AK9: variants seen among roughly 807,000 people sequenced by gnomAD.
AK9 encodes the protein adenylate kinase 9.
A neutral mutation model predicts 239.6 loss-of-function variants in AK9; 191 were observed. That is an observed-to-expected ratio of 0.80 (90% CI 0.71 to 0.90). The LOEUF is 0.90. AK9 is among the 40% of genes least tolerant of loss of function. The pLI, the probability that AK9 is intolerant of heterozygous loss-of-function variation, is 0.00. For missense variants in AK9, 1,995 were observed against 2,214.7 expected (o/e 0.90, Z 1.99); for synonymous variants, 689 against 721.0 (o/e 0.96, Z 0.71).
intron 21 of AK9, among the ~76,000 whole-genome samples, chr6:109,572,541 T>C (rs969806050): frequency 1.3e-5 from 2 of 152,180 alleles, no homozygotes; most frequent in African/African-American, 4.8e-5. Flanking sequence ...TCAATATCTT[T>C]TTAAGTGAAC....
intron 17 of AK9, among the ~76,000 whole-genome samples, chr6:109,588,988 A>G (rs1034296254): frequency 1.2e-4 from 19 of 152,332 alleles, no homozygotes; most frequent in African/African-American, 4.6e-4. Context: ...GCCTTGTAGT[A>G]TAATTTGAAG....
At chr6:109,625,219 T>C (rs894665345) in intron 12 of AK9, among the ~76,000 whole-genome samples, 3 of 152,166 alleles carry the variant, frequency 2.0e-5, no homozygotes, top group Admixed American at 6.5e-5. Flanking sequence ...GCCAGAAGTG[T>C]CTTTTATCCG....
At chr6:109,524,385 G>T (rs1161639017) in intron 29 of AK9, among the ~76,000 whole-genome samples, 1 of 152,086 alleles carries the variant, frequency 6.6e-6, no homozygotes, top group African/African-American at 2.4e-5. Context: ...AAGAGTAAAT[G>T]AGGCAGAAAA....
At chr6:109,597,680 A>AT (rs34197466) in intron 17 of AK9, among the ~76,000 whole-genome samples, 107,108 of 151,206 alleles carry the variant, frequency 0.71, 38,425 homozygotes, top group East Asian at 0.99. Flanking sequence ...CTCAAAAAAA[A>AT]TTTTTTTTTA....
chr6:109,579,465 C>A, intron 20 of AK9, 85 bp downstream of exon 20: 2 of 1,301,544 alleles, frequency 1.5e-6, no homozygotes, highest in East Asian at 2.6e-5. Flanking sequence ...ATGTGATCAC[C>A]CAGTCTATAA....
At chr6:109,505,739 T>C (rs761877922) in intron 35 of AK9, among the ~76,000 whole-genome samples, 18 of 152,330 alleles carry the variant, frequency 1.2e-4, no homozygotes, top group South Asian at 2.1e-4. Context: ...TAAATTCACA[T>C]AGGCATTCAA....
intron 24 of AK9, among the ~76,000 whole-genome samples, chr6:109,556,687 G>T (rs1785043261): frequency 6.6e-6 from 1 of 151,884 alleles, no homozygotes; most frequent in Admixed American, 6.6e-5. Context: ...CATATTTCTT[G>T]GAGGCTTTGT....
intron 32 of AK9, 65 bp from the exon 33 acceptor site, chr6:109,509,445 T>C: frequency 4.4e-6 from 6 of 1,376,834 alleles, no homozygotes; most frequent in Non-Finnish European, 6.0e-6. Context: ...ATGTGCAGTT[T>C]TGTTACATGG....
intron 24 of AK9, among the ~76,000 whole-genome samples, chr6:109,552,547 GTTGT>G (rs1210861459): frequency 7.9e-5 from 12 of 152,020 alleles, no homozygotes; most frequent in African/African-American, 1.7e-4. Flanking sequence ...TTTTGATGAG[GTTGT>G]TTGTTTTTTT....
intron 17 of AK9, among the ~76,000 whole-genome samples, chr6:109,592,893 T>G (rs1314272135): frequency 6.6e-6 from 1 of 152,162 alleles, no homozygotes; most frequent in Non-Finnish European, 1.5e-5. Flanking sequence ...CTGATCTTCT[T>G]ATATCTGGCT....
At chr6:109,622,295 A>G (rs995218156) in intron 12 of AK9, among the ~76,000 whole-genome samples, 2 of 143,912 alleles carry the variant, frequency 1.4e-5, no homozygotes, top group Non-Finnish European at 3.0e-5. Context: ...GAGTCTCCAT[A>G]TGTATACATA....
intron 12 of AK9, chr6:109,632,130 A>T: frequency 1.0e-6 from 1 of 984,002 alleles, no homozygotes; most frequent in Non-Finnish European, 1.2e-6. Context: ...TTTTGCGGTA[A>T]CTCAGTGGGC....
At chr6:109,524,656 C>T (rs1780245832) in intron 29 of AK9, among the ~76,000 whole-genome samples, 1 of 152,120 alleles carries the variant, frequency 6.6e-6, no homozygotes, top group Admixed American at 6.6e-5. Context: ...TAGTAAATAT[C>T]TGGATAAATG....
intron 17 of AK9, among the ~76,000 whole-genome samples, chr6:109,609,899 T>G (rs1206157567): frequency 6.6e-6 from 1 of 152,184 alleles, no homozygotes; most frequent in Non-Finnish European, 1.5e-5. Context: ...GAGGATTTTT[T>G]TTTCCCTTTA....
chr6:109,589,213 G>C (rs1041619104), intron 17 of AK9, among the ~76,000 whole-genome samples: 2 of 152,002 alleles, frequency 1.3e-5, no homozygotes, highest in Non-Finnish European at 2.9e-5. Context: ...CCATGAACAT[G>C]GTATGTTTTC....
At chr6:109,649,837 C>T (rs1410604358) in intron 8 of AK9, among the ~76,000 whole-genome samples, 1 of 152,210 alleles carries the variant, frequency 6.6e-6, no homozygotes, top group Non-Finnish European at 1.5e-5. Context: ...TCAAACTATA[C>T]TACAAGGCTA....
intron 10 of AK9, among the ~76,000 whole-genome samples, chr6:109,639,494 G>T (rs1391145907): frequency 1.3e-5 from 2 of 152,074 alleles, no homozygotes; most frequent in Non-Finnish European, 2.9e-5. Flanking sequence ...CTTTTTGATG[G>T]GGTTGTTTTT....
chr6:109,499,045 T>C lies in AK9; in HGVS notation c.5045A>G (p.Asn1682Ser). The C allele has an allele frequency of 6.6e-7, 1 of 1,505,608 alleles. No individual in the cohort carries two copies. Among genetic ancestry groups the C allele is most frequent in the Non-Finnish European group, 8.9e-7 (1 of 1,122,208 alleles). 93.3% of individuals were successfully genotyped at this position (1,505,608 alleles called of 1,614,324 possible). A position where few individuals can be genotyped will look rare whatever the true frequency, so the allele number is the denominator to read the frequency against. The change falls in exon 36 of 41, where the codon AAT (asparagine) becomes AGT (serine). Residue 1682 changes from asparagine (N) to serine (S), a missense_variant and splice_region_variant. Physicochemically the swap from Asn to Ser is conservative, Grantham distance 46. Transcript: ENST00000424296. ...ATTTGGAGTTAGGAACAAACTTACA[T>C]TCAGTTTTTCCTGAGAACTCATTTT... ...YYKMSSQEKL[N>S]KFLENPELYV...
Position 109,633,050 on chromosome 6 carries a change from A to G in AK9, c.1127T>C (p.Leu376Ser). 1 of 1,560,878 alleles carries G rather than the reference A, an allele frequency of 6.4e-7. No homozygotes were observed. Among genetic ancestry groups the G allele is most frequent in the Non-Finnish European group, 8.6e-7 (1 of 1,161,664 alleles). Residue 376 changes from leucine to serine, a missense_variant, in exon 12 of 41, where the codon TTG (leucine) becomes TCG (serine). Transcript: ENST00000424296. ...LSSEEALKPF[L>S]LNPRPYLLPP... ...AAGCAGATAGGGACGTGGGTTCAAC[A>G]AAAATGGTTTTAATGCTTCTTCTGA...
Sources: allele counts gnomAD v4.1 joint callset (sites outside exome capture counted in the v4.1 genomes callset), GRCh38; gene constraint gnomAD v4.1.1; transcripts MANE v1.5; gene names NCBI Gene and HGNC (gene_info 2026-07-23, HGNC 2026-07-21).